ZNF407: variants seen among roughly 807,000 people sequenced by gnomAD.
ZNF407 encodes zinc finger protein 407.
In ZNF407, 17 loss-of-function variants were observed where a neutral mutation model predicts 131.2. The ratio of observed to expected loss-of-function variants is 0.13; its 90% CI spans 0.09 to 0.19. The LOEUF (loss-of-function observed/expected upper bound fraction) is 0.19. ZNF407 is among the 10% of genes least tolerant of loss of function. ZNF407 has a pLI of 1.00. For missense variants in ZNF407, 2,681 were observed against 2,830.6 expected, an observed-to-expected ratio of 0.95 and a Z score of 1.20; for synonymous variants, 1,156 against 1,062.0, an observed-to-expected ratio of 1.09 and a Z score of -1.72.
rs1443905394 is a variant in ZNF407, at chr18:74,890,009, G to A, written c.5220G>A (p.Lys1740=). The A allele has an allele frequency of 1.3e-6, 2 of 1,599,532 alleles. No homozygotes were observed. The highest frequency in any genetic ancestry group is 2.7e-5 in the African/African-American group (2 of 74,596). Residue 1740 remains lysine (K), a synonymous_variant, in exon 7 of 9, where the codon AAG becomes AAA. Transcript: ENST00000299687. ...TRHKRVHTGE[K]PYRCPWCDYR... ...ATAAACGTGTCCACACTGGAGAAAA[G>A]CCCTACAGATGCCCCTGGTGTGACT... is the stretch of plus-strand genomic sequence containing the variant.
At chr18:74,961,896 C>T (rs1386462837) in intron 8 of ZNF407, among the ~76,000 whole-genome samples, 2 of 151,432 alleles carry the variant, frequency 1.3e-5, no homozygotes, top group African/African-American at 2.4e-5. Flanking sequence ...CTAACTTGCA[C>T]TATGAATCTC....
In ZNF407 at chr18:74,727,452, C is replaced by T. The variant is rs1318555674; in HGVS notation, c.4803-53976C>T. On this transcript the variant is annotated intron_variant, in intron 3 of 8. Coordinates refer to ENST00000299687, the MANE Select transcript of ZNF407 (RefSeq NM_017757.3). ...TTTTGTGAAGATTATATATCGTTTG[C>T]GTTGAGTATTAGATAACAGTAGGTG... Among the ~76,000 whole-genome samples, 5 of 152,084 alleles carry T rather than the reference C, an allele frequency of 3.3e-5. No individual in the cohort carries two copies. In the South Asian group the frequency reaches 6.2e-4, roughly 19 times the overall value.
intron 4 of ZNF407, among the ~76,000 whole-genome samples, chr18:74,867,110 G>T (rs1568247479): frequency 6.6e-6 from 1 of 151,894 alleles, no homozygotes; most frequent in Non-Finnish European, 1.5e-5. Context: ...ATGTCCCAAG[G>T]TCAGAGAGTT....
chr18:74,741,316 A>G (rs1483686400), intron 3 of ZNF407, among the ~76,000 whole-genome samples: 1 of 152,160 alleles, frequency 6.6e-6, no homozygotes, highest in Admixed American at 6.6e-5. Context: ...ATGTGTATCT[A>G]CATTTGTGAC....
At position 74,634,724 on chromosome 18, in the gene ZNF407, A is replaced by G. The variant is rs769535888; in HGVS notation, c.3705A>G (p.Gly1235=). 6.2e-7 allele frequency: 1 copy of G among 1,614,066 alleles called. No individual in the cohort carries two copies. Among genetic ancestry groups the G allele is most frequent in the South Asian group, 1.1e-5 (1 of 91,076 alleles). The change falls in exon 2 of 9, where the codon GGA becomes GGG. Residue 1235 remains glycine (G), a synonymous_variant. Transcript: ENST00000299687. ...GTGTCCATTGTGAGGGTGAAGGAGG[A>G]AACGCAGGAGACGGTGGAGGTGTTG... ...ELRVHCEGEG[G]NAGDGGGVVP... is the part of the protein sequence containing the mutation.
intron 3 of ZNF407, among the ~76,000 whole-genome samples, chr18:74,650,588 A>G (rs1362148517): frequency 1.3e-5 from 2 of 152,138 alleles, no homozygotes; most frequent in African/African-American, 2.4e-5. Flanking sequence ...GCACTTGGTC[A>G]TACACTTTAG....
intron 4 of ZNF407, among the ~76,000 whole-genome samples, chr18:74,844,443 C>G (rs1263187578): frequency 6.6e-6 from 1 of 152,134 alleles, no homozygotes; most frequent in Non-Finnish European, 1.5e-5. Context: ...GCCCTTAACA[C>G]AAGTATTTAT....
chr18:74,876,189 A>G (rs1319208251), intron 4 of ZNF407, among the ~76,000 whole-genome samples: 1 of 152,238 alleles, frequency 6.6e-6, no homozygotes, highest in Non-Finnish European at 1.5e-5. Context: ...TTCTGATTGC[A>G]TTAAAATGCT....
chr18:74,910,990 A>G (rs1455409851), intron 7 of ZNF407, among the ~76,000 whole-genome samples: 1 of 152,152 alleles, frequency 6.6e-6, no homozygotes, highest in Non-Finnish European at 1.5e-5. Flanking sequence ...ACTCCTGTGT[A>G]GAATTGTAAT....
intron 4 of ZNF407, among the ~76,000 whole-genome samples, chr18:74,796,869 T>C (rs939389129): frequency 6.6e-6 from 1 of 152,174 alleles, no homozygotes; most frequent in Middle Eastern, 3.2e-3. Context: ...TGCTGTTAAT[T>C]AGAGTAAGGT....
chr18:74,743,535 T>A (rs895642687), intron 3 of ZNF407, among the ~76,000 whole-genome samples: 14 of 152,196 alleles, frequency 9.2e-5, no homozygotes, highest in Admixed American at 5.2e-4. Context: ...ACTGTAAAGT[T>A]GTATTTGAAA....
chr18:75,054,740 G>A (rs1357211396), intron 8 of ZNF407, among the ~76,000 whole-genome samples: 1 of 152,232 alleles, frequency 6.6e-6, no homozygotes, highest in Non-Finnish European at 1.5e-5. Flanking sequence ...CCATAAGAAT[G>A]CCTATTCCAG....
chr18:75,008,507 C>T (rs947244479), intron 8 of ZNF407, among the ~76,000 whole-genome samples: 4 of 152,158 alleles, frequency 2.6e-5, no homozygotes, highest in Non-Finnish European at 5.9e-5. Context: ...AAGTCATCCC[C>T]GGATAGTGGC....
chr18:74,623,288 TTGAGTGCAAGTG>T (rs1432713550), intron 1 of ZNF407, among the ~76,000 whole-genome samples: 6 of 151,178 alleles, frequency 4.0e-5, no homozygotes, highest in Non-Finnish European at 7.4e-5. Context: ...GACTGCGTGT[TTGAGTGCAAGTG>T]TGAGTGCGTG....
At chr18:74,623,478 G>A (rs1350919512) in intron 1 of ZNF407, among the ~76,000 whole-genome samples, 1 of 152,162 alleles carries the variant, frequency 6.6e-6, no homozygotes, top group Non-Finnish European at 1.5e-5. Context: ...TGAAATGAGT[G>A]AAAAGTGGAA....
chr18:74,981,109 A>C (rs1215251448), intron 8 of ZNF407, among the ~76,000 whole-genome samples: 1 of 152,244 alleles, frequency 6.6e-6, no homozygotes, highest in Non-Finnish European at 1.5e-5. Context: ...GCCGGGAAGC[A>C]TCATTCCTGT....
At chr18:74,608,036 CTTT>C (rs999246847) in intron 1 of ZNF407, among the ~76,000 whole-genome samples, 3 of 152,170 alleles carry the variant, frequency 2.0e-5, no homozygotes, top group Non-Finnish European at 4.4e-5. Context: ...TCCCTTTTGT[CTTT>C]TTATCTTTCA....
chr18:74,807,135 C>T (rs540079683), intron 4 of ZNF407, among the ~76,000 whole-genome samples: 57 of 152,232 alleles, frequency 3.7e-4, no homozygotes, highest in African/African-American at 1.3e-3. Flanking sequence ...TAAGGCTTTT[C>T]GGGCAAATTA....
intron 8 of ZNF407, among the ~76,000 whole-genome samples, chr18:74,941,825 G>A (rs17055991): frequency 0.011 from 1,735 of 152,258 alleles, 33 homozygotes; most frequent in African/African-American, 0.038. Flanking sequence ...GATGTTATTC[G>A]TTGAGGATTG....
Sources: gnomAD v4.1 joint callset for allele counts (sites outside exome capture counted in the v4.1 genomes callset) on GRCh38, gnomAD v4.1.1 for gene constraint, MANE v1.5 for transcripts, NCBI Gene and HGNC (gene_info 2026-07-23, HGNC 2026-07-21) for gene names.